Variants in HSP90B1 observed in about 807,000 individuals in gnomAD.
HSP90B1 encodes the protein heat shock protein 90 beta family member 1, also known as endoplasmin.
In HSP90B1, 27 loss-of-function variants were observed where a neutral mutation model predicts 100.4. That is an observed-to-expected ratio of 0.27 (90% CI 0.20 to 0.37). The LOEUF (loss-of-function observed/expected upper bound fraction) is 0.37. HSP90B1 is among the 10% of genes least tolerant of loss of function. The pLI is 1.00. For synonymous variants in HSP90B1, 304 were observed against 330.8 expected, an observed-to-expected ratio of 0.92 and a Z score of 0.88; for missense variants, 678 against 960.5, an observed-to-expected ratio of 0.71 and a Z score of 3.89.
chr12:103,932,528 C>G (rs1348362686), intron 3 of HSP90B1, 110 bp downstream of exon 3: 1 of 928,422 alleles, frequency 1.1e-6, no homozygotes, highest in Non-Finnish European at 1.6e-6. Context: ...AAGTAGGTAA[C>G]AACCTTTAAA....
At chr12:103,946,519 TACCAA>T in intron 14 of HSP90B1, 94 bp from the exon 15 acceptor site, 1 of 826,066 alleles carries the variant, frequency 1.2e-6, no homozygotes, top group Admixed American at 2.6e-5. Flanking sequence ...TTTTTTTTTT[TACCAA>T]GAGTTGTTCT....
In HSP90B1 at chr12:103,943,941, T is replaced by C. The variant is rs771719514; in HGVS notation, c.2027+67T>C. ...TACCCAATCTTTGTTTTGGAGATAA[T>C]ACCAGCTTCAATACAAAGAGTAAAA... On this transcript the variant is annotated intron_variant, in intron 14 of 17. Coordinates refer to ENST00000299767, the MANE Select transcript of HSP90B1 (RefSeq NM_003299.3). This position sits in a 1 kb window ranked among gnomAD's most constrained non-coding sequence, Gnocchi z 5.3. The C allele has an allele frequency of 1.4e-5, 20 of 1,468,910 alleles. No individual in the cohort carries two copies. The highest frequency in any genetic ancestry group is 1.7e-5 in the Non-Finnish European group (19 of 1,085,906). The allele number at this position is 1,468,910 out of a possible 1,614,324, so 91.0% of individuals were successfully genotyped here.
intron 16 of HSP90B1, 86 bp from the exon 17 acceptor site, chr12:103,947,225 T>G (rs1870261991): frequency 6.9e-7 from 1 of 1,459,598 alleles, no homozygotes; most frequent in African/African-American, 1.4e-5. Context: ...TAAACAGAAG[T>G]GACATTAATT....
intron 10 of HSP90B1, 39 bp downstream of exon 10, chr12:103,941,745 G>T: frequency 6.2e-7 from 1 of 1,603,260 alleles, no homozygotes; most frequent in Non-Finnish European, 8.5e-7. Flanking sequence ...TGATTGTTGT[G>T]GGGGTCTGGC....
In HSP90B1 at chr12:103,943,337, A is replaced by C; in HGVS notation, c.1890+18A>C. The C allele has an allele frequency of 6.2e-7, 1 of 1,609,430 alleles. No individual in the cohort carries two copies. The highest frequency in any genetic ancestry group is 8.5e-7 in the Non-Finnish European group (1 of 1,176,960). On this transcript the variant is annotated intron_variant, in intron 13 of 17. Transcript: ENST00000299767. The surrounding 1 kb of genome is among the most constrained non-coding windows in gnomAD (Gnocchi z 5.3). ...AGGACAAGGTACTGTGGAAATTACA[A>C]ATTGTGGAAATATTAGTATCAGCAT...
At position 103,946,804 on chromosome 12, in the gene HSP90B1, A is replaced by G. The variant is rs769638805; in HGVS notation, c.2125A>G (p.Thr709Ala). The G allele has an allele frequency of 1.2e-6, 2 of 1,614,068 alleles. No homozygotes were observed. ...ATTTCAGGAAGATGAAGATGATAAA[A>G]CAGTTTTGGATCTTGCTGTGGTTTT... Reference protein sequence around the residue: ...RRIKEDEDDKTVLDLAVVLFE... With the variant: ...RRIKEDEDDKAVLDLAVVLFE... The change falls in exon 16 of 18, where the codon ACA becomes GCA. Residue 709 changes from threonine to alanine, a missense_variant. Around this residue, in one of 8 missense-constraint regions of HSP90B1, gnomAD observed 64 missense variants for 66.4 expected, o/e 0.96. Coordinates refer to ENST00000299767, the MANE Select transcript of HSP90B1 (RefSeq NM_003299.3).
chr12:103,942,595 T>G lies in HSP90B1; in HGVS notation c.1443T>G (p.Asn481Lys). 1 of 1,613,974 alleles carries G rather than the reference T, an allele frequency of 6.2e-7. No individual in the cohort carries two copies. The highest frequency in any genetic ancestry group is 8.5e-7 in the Non-Finnish European group (1 of 1,179,828). Residue 481 changes from asparagine (N) to lysine (K), a missense_variant, in exon 12 of 18, where the codon AAT becomes AAG. This residue lies in a region of HSP90B1 where 170 missense variants were observed against 236.7 expected (regional missense o/e 0.72). Coordinates refer to ENST00000299767, the MANE Select transcript of HSP90B1 (RefSeq NM_003299.3). ...MIKKIADDKY[N>K]DTFWKEFGTN... The stretch of plus-strand genomic sequence containing the variant: ...AGAAGATTGCTGATGATAAATACAA[T>G]GATACTTTTTGGAAAGAATTTGGTA...
chr12:103,934,599 T>G (rs931903711), intron 5 of HSP90B1, among the ~76,000 whole-genome samples: 2 of 152,208 alleles, frequency 1.3e-5, no homozygotes, highest in African/African-American at 4.8e-5. Flanking sequence ...AAGAGTAATT[T>G]GTCTGTGGAG....
chr12:103,940,922 G>A (rs1447856407), intron 8 of HSP90B1, among the ~76,000 whole-genome samples: 1 of 152,166 alleles, frequency 6.6e-6, no homozygotes, highest in Non-Finnish European at 1.5e-5. Context: ...AATAGATAAT[G>A]CAGATCAAGA....
Position 103,943,481 on chromosome 12 carries a change from C to A in HSP90B1, c.1890+162C>A. ...TTGGGAGAAAGCTTAAAACTTTCGA[C>A]AATACTGCTTTGTTAATAACTTGTT... On this transcript the variant is annotated intron_variant, in intron 13 of 17. Transcript: ENST00000299767. The surrounding 1 kb of genome is among the most constrained non-coding windows in gnomAD (Gnocchi z 5.3). 1.4e-6 allele frequency: 1 copy of A among 738,908 alleles called. No homozygotes were observed. Among genetic ancestry groups the A allele is most frequent in the Non-Finnish European group, 2.2e-6 (1 of 459,978 alleles). 45.8% of individuals were successfully genotyped at this position (738,908 alleles called of 1,614,324 possible).
rs1870080783 is a variant in HSP90B1, at chr12:103,941,612, T to A, written c.1231-17T>A. 6.2e-7 allele frequency: 1 copy of A among 1,613,976 alleles called. No individual in the cohort carries two copies. The highest frequency in any genetic ancestry group is 8.5e-7 in the Non-Finnish European group (1 of 1,179,944). ...AAGTTTAATTTCCAGAAAGTGACTT[T>A]TTTTTGGTCTCTTTAGCTCTATGTG... On this transcript the variant is annotated splice_polypyrimidine_tract_variant and intron_variant, in intron 9 of 17. Transcript: ENST00000299767.
At chr12:103,946,478 T>C in intron 14 of HSP90B1, 140 bp from the exon 15 acceptor site, 1 of 632,928 alleles carries the variant, frequency 1.6e-6, no homozygotes, top group East Asian at 2.8e-5. Context: ...TTCAAACCTG[T>C]GGTGTTCAAG....
chr12:103,941,754 G>A, intron 10 of HSP90B1, 48 bp downstream of exon 10: 2 of 1,599,474 alleles, frequency 1.3e-6, no homozygotes, highest in Non-Finnish European at 1.7e-6. Context: ...TGGGGGTCTG[G>A]CAGTGTAGAG....
chr12:103,934,995 C>T (rs1869870195), intron 5 of HSP90B1, among the ~76,000 whole-genome samples: 1 of 152,134 alleles, frequency 6.6e-6, no homozygotes, highest in Non-Finnish European at 1.5e-5. Context: ...GCTACCGTGC[C>T]CAGCCAGAAT....
rs1201254709 is a variant in HSP90B1 at position 103,931,036 on chromosome 12, TTTGA to T, written c.49+475_49+478del. Among the ~76,000 whole-genome samples, 6 of 152,340 alleles carry T rather than the reference TTTGA, an allele frequency of 3.9e-5. No individual in the cohort carries two copies. The South Asian group carries it at 1.2e-3, about 32-fold the overall frequency. On this transcript the variant is annotated intron_variant, in intron 1 of 17. Transcript: ENST00000299767. ...CCAGCGGAATGGCAGTGTCAGCGTGTTTGATTCAGTTTTGCTGGAGTTCGGTTCT... is the reference window on the plus strand; with the variant it reads ...CCAGCGGAATGGCAGTGTCAGCGTGTTTCAGTTTTGCTGGAGTTCGGTTCT...
intron 10 of HSP90B1, 25 bp from the exon 11 acceptor site, chr12:103,941,807 C>G (rs762145623): frequency 3.1e-6 from 5 of 1,611,616 alleles, no homozygotes; most frequent in Non-Finnish European, 4.2e-6. Context: ...TTATTGCTCA[C>G]TGAACTTTCT....
chr12:103,941,772 T>G, intron 10 of HSP90B1, 60 bp from the exon 11 acceptor site: 1 of 1,603,804 alleles, frequency 6.2e-7, no homozygotes, highest in African/African-American at 1.3e-5. Context: ...GAGTGTTTGT[T>G]TGGCTTTGCT....
At position 103,932,674 on chromosome 12, in the gene HSP90B1, A is replaced by C. The variant is rs948122700; in HGVS notation, c.295-152A>C. On this transcript the variant is annotated intron_variant, in intron 3 of 17. Transcript: ENST00000299767. ...GTCTAAGGGCAGTCACATAAACTAA[A>C]CTTCTTGCATTGCATACCTGAAGAT... The C allele has an allele frequency of 1.5e-5, 10 of 671,084 alleles. No homozygotes were observed. The Admixed American group carries it at 2.4e-4, about 16-fold the overall frequency. The allele number at this position is 671,084 out of a possible 1,614,324, so 41.6% of individuals were successfully genotyped here. A position where few individuals can be genotyped will look rare whatever the true frequency, so the allele number is the denominator to read the frequency against.
intron 17 of HSP90B1, 53 bp from the exon 18 acceptor site, chr12:103,947,580 T>G: frequency 6.5e-7 from 1 of 1,548,648 alleles, no homozygotes; most frequent in South Asian, 1.2e-5. Flanking sequence ...GTGAGCTAGG[T>G]TTTTTTTCTG....
Sources: allele counts gnomAD v4.1 joint callset (sites outside exome capture counted in the v4.1 genomes callset), GRCh38; gene constraint gnomAD v4.1.1; regional missense constraint gnomAD v4.1.1; non-coding constraint Gnocchi (gnomAD v3.1); transcripts MANE v1.5; gene names NCBI Gene and HGNC (gene_info 2026-07-23, HGNC 2026-07-21).